Variants in COL4A5 observed in about 807,000 individuals in gnomAD.
COL4A5 encodes the protein collagen alpha-5(IV) chain.
In COL4A5, 26 loss-of-function variants were observed where a neutral mutation model predicts 130.2. The observed-to-expected ratio is 0.20, with a 90% CI of 0.15 to 0.28. The LOEUF (loss-of-function observed/expected upper bound fraction) is 0.28, where lower values mean the gene tolerates loss of function less well. COL4A5 is among the 10% of genes least tolerant of loss of function. The probability of loss-of-function intolerance (pLI) is 1.00; values close to 1 mark genes in which losing one functional copy is unlikely to be tolerated. For synonymous variants in COL4A5, 496 were observed against 439.6 expected, an observed-to-expected ratio of 1.13 and a Z score of -1.60; for missense variants, 1,131 against 1,344.3, an observed-to-expected ratio of 0.84 and a Z score of 2.48.
intron 25 of COL4A5, among the ~76,000 whole-genome samples, chrX:108,600,796 C>T (rs1225761789): frequency 1.8e-5 from 2 of 111,355 alleles, no homozygotes; most frequent in African/African-American, 3.3e-5. Flanking sequence ...AGTAGCTTGG[C>T]TCAGTCCTAG....
At chrX:108,537,631 AAAG>A (rs763902359) in intron 1 of COL4A5, among the ~76,000 whole-genome samples, 2 of 111,903 alleles carry the variant, frequency 1.8e-5, no homozygotes, top group Admixed American at 1.9e-4. Context: ...TTTGTATTTA[AAAG>A]AAGAAGATCT....
intron 2 of COL4A5, among the ~76,000 whole-genome samples, chrX:108,548,668 C>A (rs192430910): frequency 9.0e-6 from 1 of 110,894 alleles, no homozygotes; most frequent in African/African-American, 3.3e-5. Context: ...GAAAACTATA[C>A]CTAGGCCCAT....
chrX:108,643,913 G>A (rs1045368856), intron 36 of COL4A5, among the ~76,000 whole-genome samples: 3 of 111,811 alleles, frequency 2.7e-5, no homozygotes, highest in African/African-American at 9.8e-5. Context: ...GAGTGTAAAT[G>A]GCCTAAATGC....
intron 40 of COL4A5, 84 bp from the exon 41 acceptor site, chrX:108,668,235 C>T: frequency 1.1e-6 from 1 of 913,482 alleles, no homozygotes; most frequent in Non-Finnish European, 1.6e-6. Context: ...CCATTAATTG[C>T]CCTAATGTAT....
At chrX:108,444,212 CTT>C (rs1019210864) in intron 1 of COL4A5, among the ~76,000 whole-genome samples, 4 of 100,590 alleles carry the variant, frequency 4.0e-5, no homozygotes, top group Non-Finnish European at 7.9e-5. Context: ...GTTCCAGACT[CTT>C]TTTTTTTTCT....
At chrX:108,648,011 A>G (rs1280921572) in intron 36 of COL4A5, among the ~76,000 whole-genome samples, 1 of 111,414 alleles carries the variant, frequency 9.0e-6, no homozygotes, top group African/African-American at 3.3e-5. Flanking sequence ...TTTTGCATCA[A>G]TGTTCATCAA....
intron 41 of COL4A5, 26 bp downstream of exon 41, chrX:108,668,530 G>T (rs369279731): frequency 1.8e-6 from 2 of 1,108,708 alleles, no homozygotes; most frequent in African/African-American, 3.7e-5. Context: ...GTAGGAGAAT[G>T]GTCTATTTAT....
intron 36 of COL4A5, among the ~76,000 whole-genome samples, chrX:108,651,453 T>C (rs1002054811): frequency 8.9e-6 from 1 of 112,095 alleles, no homozygotes; most frequent in African/African-American, 3.2e-5. Context: ...TTTTAGGATG[T>C]TTTTAGTTCT....
At chrX:108,583,431 A>G (rs1487510779) in intron 17 of COL4A5, among the ~76,000 whole-genome samples, 1 of 111,449 alleles carries the variant, frequency 9.0e-6, no homozygotes, top group South Asian at 3.7e-4. Context: ...TTATTTAGTT[A>G]CCTATTTTTC....
At chrX:108,638,984 A>G (rs1047037121) in intron 36 of COL4A5, among the ~76,000 whole-genome samples, 1 of 111,583 alleles carries the variant, frequency 9.0e-6, no homozygotes, top group Non-Finnish European at 1.9e-5. Flanking sequence ...CCAAAGCAAT[A>G]CACAGATTCA....
At chrX:108,538,479 G>A (rs1248084646) in intron 1 of COL4A5, among the ~76,000 whole-genome samples, 1 of 111,553 alleles carries the variant, frequency 9.0e-6, no homozygotes, top group Non-Finnish European at 1.9e-5. Flanking sequence ...AGAGGTTTCA[G>A]TATGAAGGTG....
At chrX:108,687,395 C>T (rs2068566136) in intron 48 of COL4A5, 87 bp from the exon 49 acceptor site, 1 of 787,037 alleles carries the variant, frequency 1.3e-6, no homozygotes, top group Non-Finnish European at 1.9e-6. Context: ...ATTAACTAGT[C>T]AAATGAGGTC....
intron 1 of COL4A5, among the ~76,000 whole-genome samples, chrX:108,525,280 A>T (rs2065301871): frequency 8.9e-6 from 1 of 111,835 alleles, no homozygotes; most frequent in Non-Finnish European, 1.9e-5. Context: ...GTTTTAGAAT[A>T]TATTTTATCT....
chrX:108,670,593 CTTCAAAAGGACA>C (rs2068181885), intron 42 of COL4A5: 1 of 335,053 alleles, frequency 3.0e-6, no homozygotes, highest in African/African-American at 2.6e-5. Context: ...TTGAACTATC[CTTCAAAAGGACA>C]TTCTTTTTTT....
intron 36 of COL4A5, among the ~76,000 whole-genome samples, chrX:108,645,104 G>A (rs1281333264): frequency 9.1e-6 from 1 of 110,019 alleles, no homozygotes; most frequent in Non-Finnish European, 1.9e-5. Context: ...AGCCCTAAAT[G>A]CCTACATCAA....
intron 1 of COL4A5, among the ~76,000 whole-genome samples, chrX:108,477,815 CAAAAAAAAAAA>C (rs749101117): frequency 1.1e-3 from 38 of 33,918 alleles, no homozygotes; most frequent in African/African-American, 3.8e-3. Context: ...GACTTTGTCT[CAAAAAAAAAAA>C]AAAAAAAAAG....
chrX:108,637,682 C>G (rs1288781822), intron 36 of COL4A5, among the ~76,000 whole-genome samples: 1 of 111,169 alleles, frequency 9.0e-6, no homozygotes, highest in Non-Finnish European at 1.9e-5. Flanking sequence ...AATTAGATAA[C>G]CTGGATGAAA....
chrX:108,547,747 TG>T lies in COL4A5; in HGVS notation c.141+7945del, dbSNP rs2065684222. ...GCAGGCAGGCCTCTTTGAGGTGCGG[TG>T]GGCTCCACCCAGTTTGAGCTTCCAG... On this transcript the variant is annotated intron_variant, in intron 2 of 52. Transcript: ENST00000328300. Among the ~76,000 whole-genome samples, 3 of 111,802 alleles carry T rather than the reference TG, an allele frequency of 2.7e-5. No homozygotes were observed. The South Asian group carries it at 1.1e-3, about 42-fold the overall frequency.
chrX:108,581,109 T>C (rs1209447293), intron 16 of COL4A5, 82 bp downstream of exon 16: 1 of 799,940 alleles, frequency 1.3e-6, no homozygotes, highest in Non-Finnish European at 1.9e-6. Context: ...AGAAGCAGTA[T>C]GACAAAAATT....
Sources: allele counts gnomAD v4.1 joint callset (sites outside exome capture counted in the v4.1 genomes callset), GRCh38; gene constraint gnomAD v4.1.1; transcripts MANE v1.5; gene names NCBI Gene and HGNC (gene_info 2026-07-23, HGNC 2026-07-21).